Variants in CADPS observed in about 807,000 individuals in gnomAD.
The protein encoded by CADPS is calcium-dependent secretion activator 1.
CADPS carries 57 observed loss-of-function variants against 167.3 expected under a neutral mutation model. The ratio of observed to expected loss-of-function variants is 0.34; its 90% CI spans 0.28 to 0.42. The LOEUF (loss-of-function observed/expected upper bound fraction) is 0.42. CADPS is among the 20% of genes least tolerant of loss of function. CADPS has a pLI of 1.00. For missense variants in CADPS, 1,414 were observed against 1,738.1 expected (o/e 0.81, Z 3.32); for synonymous variants, 676 against 635.3 (o/e 1.06, Z -0.96).
intron 17 of CADPS, among the ~76,000 whole-genome samples, chr3:62,507,788 T>A (rs1393733381): frequency 2.0e-5 from 3 of 152,202 alleles, no homozygotes; most frequent in Admixed American, 2.0e-4. Context: ...TCAAATGATA[T>A]CATTATACTA....
At chr3:62,765,776 T>C (rs1465690838) in intron 2 of CADPS, 95 bp downstream of exon 2, 1 of 696,730 alleles carries the variant, frequency 1.4e-6, no homozygotes. Flanking sequence ...GATACTGTAG[T>C]AAACCAAAAC....
At chr3:62,460,237 T>C (rs774664265) in intron 26 of CADPS, among the ~76,000 whole-genome samples, 1 of 152,232 alleles carries the variant, frequency 6.6e-6, no homozygotes, top group Non-Finnish European at 1.5e-5. Context: ...CTTAGCACAG[T>C]GTCCGGCACA....
chr3:62,402,966 G>A (rs1327136838), intron 29 of CADPS, 115 bp downstream of exon 29: 3 of 572,306 alleles, frequency 5.2e-6, no homozygotes, highest in Non-Finnish European at 9.0e-6. Context: ...TCTTGTATGA[G>A]ATACTATTTT....
intron 21 of CADPS, among the ~76,000 whole-genome samples, chr3:62,486,176 G>A (rs546040850): frequency 6.6e-6 from 1 of 152,310 alleles, no homozygotes; most frequent in Middle Eastern, 3.4e-3. Flanking sequence ...GCCAGGTGCA[G>A]TGGCTCACGC....
chr3:62,828,922 A>G (rs2074554189), intron 1 of CADPS, among the ~76,000 whole-genome samples: 1 of 152,154 alleles, frequency 6.6e-6, no homozygotes, highest in South Asian at 2.1e-4. Context: ...ACTCCATTTC[A>G]TACCACTTCC....
At chr3:62,495,336 C>T (rs1458200217) in intron 18 of CADPS, among the ~76,000 whole-genome samples, 2 of 152,186 alleles carry the variant, frequency 1.3e-5, no homozygotes, top group African/African-American at 4.8e-5. Context: ...AGGGCAGTAA[C>T]AACCAGAAAG....
At chr3:62,611,487 T>G (rs762071792) in intron 6 of CADPS, among the ~76,000 whole-genome samples, 2 of 152,176 alleles carry the variant, frequency 1.3e-5, no homozygotes, top group Non-Finnish European at 2.9e-5. Flanking sequence ...GAGTAATCCT[T>G]TAAAATGTAA....
chr3:62,485,379 T>C (rs1284637285), intron 21 of CADPS, among the ~76,000 whole-genome samples: 4 of 152,204 alleles, frequency 2.6e-5, no homozygotes, highest in Admixed American at 2.0e-4. Flanking sequence ...TTGTACATCA[T>C]CTTTCCCAGC....
intron 1 of CADPS, among the ~76,000 whole-genome samples, chr3:62,851,765 T>C (rs1379197945): frequency 6.7e-6 from 1 of 150,216 alleles, no homozygotes; most frequent in African/African-American, 2.5e-5. Context: ...GGAGTTGTTC[T>C]TCTCGAGGAG....
In CADPS at chr3:62,478,528, A is replaced by C. The variant is rs1021561186; in HGVS notation, c.3174-112T>G. The C allele has an allele frequency of 5.0e-5, 49 of 977,528 alleles. No individual in the cohort carries two copies. The African/African-American group carries it at 7.7e-4, about 15-fold the overall frequency. 60.6% of individuals were successfully genotyped at this position (977,528 alleles called of 1,614,324 possible). ...GGCAAACAGCAGCTTCAACATACAA[A>C]ACAACGTGTGTTGGCGGTGGAGGCG... On this transcript the variant is annotated intron_variant, in intron 22 of 29. Transcript: ENST00000383710. The surrounding 1 kb of genome is among the most constrained non-coding windows in gnomAD (Gnocchi z 5.7).
chr3:62,635,247 G>A (rs2066061699), intron 6 of CADPS, among the ~76,000 whole-genome samples: 1 of 152,152 alleles, frequency 6.6e-6, no homozygotes, highest in Non-Finnish European at 1.5e-5. Context: ...ACACAGCAGG[G>A]AGAAAAACAA....
At chr3:62,584,195 T>C (rs946795904) in intron 8 of CADPS, among the ~76,000 whole-genome samples, 3 of 152,072 alleles carry the variant, frequency 2.0e-5, no homozygotes, top group Admixed American at 2.0e-4. Context: ...TTAGTAGAGA[T>C]GGAGTTTCAT....
intron 19 of CADPS, 84 bp downstream of exon 19, chr3:62,493,561 G>A: frequency 9.7e-7 from 1 of 1,026,876 alleles, no homozygotes; most frequent in Non-Finnish European, 1.5e-6. Flanking sequence ...TGATCTATTA[G>A]TTATTAGAGG....
intron 13 of CADPS, among the ~76,000 whole-genome samples, chr3:62,522,553 G>A (rs74408668): frequency 2.6e-5 from 4 of 152,054 alleles, no homozygotes; most frequent in African/African-American, 9.6e-5. Context: ...TCCTTTCCCC[G>A]TCTTTGAGGC....
At chr3:62,817,881 G>A (rs947174835) in intron 1 of CADPS, among the ~76,000 whole-genome samples, 10 of 152,100 alleles carry the variant, frequency 6.6e-5, no homozygotes, top group African/African-American at 2.4e-4. Context: ...AAGTTCAAAT[G>A]TCTATATTAC....
chr3:62,735,743 G>A (rs2078871152), intron 3 of CADPS, among the ~76,000 whole-genome samples: 1 of 152,144 alleles, frequency 6.6e-6, no homozygotes, highest in Non-Finnish European at 1.5e-5. Context: ...ATCCTTAAAA[G>A]GAAGCATCTT....
At chr3:62,599,194 G>A (rs1330357350) in intron 6 of CADPS, among the ~76,000 whole-genome samples, 1 of 151,946 alleles carries the variant, frequency 6.6e-6, no homozygotes, top group Non-Finnish European at 1.5e-5. Context: ...AAGGTTAACT[G>A]ACTAACTTCT....
chr3:62,802,461 C>G (rs979103473), intron 1 of CADPS, among the ~76,000 whole-genome samples: 16 of 152,150 alleles, frequency 1.1e-4, no homozygotes, highest in Admixed American at 3.9e-4. Flanking sequence ...CTCCCACTCA[C>G]CCCTCTTCAA....
intron 3 of CADPS, among the ~76,000 whole-genome samples, chr3:62,679,859 T>C (rs1478627744): frequency 1.3e-5 from 2 of 151,554 alleles, no homozygotes; most frequent in Admixed American, 6.6e-5. Context: ...GAAGAGGGAG[T>C]TCTGGCACAG....
Sources: allele counts gnomAD v4.1 joint callset (sites outside exome capture counted in the v4.1 genomes callset), GRCh38; gene constraint gnomAD v4.1.1; non-coding constraint Gnocchi (gnomAD v3.1); transcripts MANE v1.5; gene names NCBI Gene and HGNC (gene_info 2026-07-23, HGNC 2026-07-21).